Variants in TYW1 observed in about 807,000 individuals in gnomAD.
TYW1 encodes the protein tRNA-yW synthesizing protein 1 homolog, also known as S-adenosyl-L-methionine-dependent tRNA 4-demethylwyosine synthase TYW1.
TYW1 carries 46 observed loss-of-function variants against 96.2 expected under a neutral mutation model. The observed-to-expected ratio is 0.48, with a 90% CI of 0.38 to 0.61. The LOEUF (loss-of-function observed/expected upper bound fraction) is 0.61. TYW1 is among the 20% of genes least tolerant of loss of function. The probability of loss-of-function intolerance (pLI) is 0.00; values close to 1 mark genes in which losing one functional copy is unlikely to be tolerated. For synonymous variants in TYW1, 274 were observed against 323.0 expected, an observed-to-expected ratio of 0.85 and a Z score of 1.63; for missense variants, 684 against 909.6, an observed-to-expected ratio of 0.75 and a Z score of 3.19.
intron 12 of TYW1, among the ~76,000 whole-genome samples, chr7:67,113,069 G>T (rs113111427): frequency 1.3e-5 from 2 of 151,826 alleles, no homozygotes; most frequent in East Asian, 1.9e-4. Context: ...TTGGACATCC[G>T]TGGAAATGAT....
rs543792016 is a variant in TYW1 at position 67,221,320 on chromosome 7, G to A, written c.1978-16988G>A. Among the ~76,000 whole-genome samples the A allele has an allele frequency of 5.9e-5, 9 of 152,140 alleles. No individual in the cohort carries two copies. The South Asian group carries it at 1.9e-3, about 32-fold the overall frequency. On this transcript the variant is annotated intron_variant, in intron 15 of 15. Transcript: ENST00000359626. ...TAGTAGAGCCGCTCCTGCTGTCTTTGGGTTACTCTTTGCATGGAATACCTT... is the reference window on the plus strand; with the variant it reads ...TAGTAGAGCCGCTCCTGCTGTCTTTAGGTTACTCTTTGCATGGAATACCTT...
chr7:67,198,139 A>G (rs1800464600), intron 15 of TYW1, among the ~76,000 whole-genome samples: 1 of 152,110 alleles, frequency 6.6e-6, no homozygotes, highest in Admixed American at 6.6e-5. Context: ...CTGATACATG[A>G]CTTTAATCTA....
chr7:67,100,299 G>T (rs1320113095), intron 12 of TYW1, among the ~76,000 whole-genome samples: 1 of 152,032 alleles, frequency 6.6e-6, no homozygotes, highest in Non-Finnish European at 1.5e-5. Flanking sequence ...GTCATACTGG[G>T]ACTAGGCACA....
intron 14 of TYW1, among the ~76,000 whole-genome samples, chr7:67,194,580 C>T (rs3980786): frequency 2.1e-4 from 32 of 152,120 alleles, no homozygotes; most frequent in Admixed American, 8.5e-4. Context: ...GCCCCGATTG[C>T]GCCACTGCAC....
intron 3 of TYW1, among the ~76,000 whole-genome samples, chr7:67,006,438 C>CTTTTTTTTT (rs34088521): frequency 1.7e-5 from 2 of 114,760 alleles, no homozygotes; most frequent in Non-Finnish European, 1.7e-5. Flanking sequence ...TTCTTTTTTC[C>CTTTTTTTTT]TTTTTTTTTT....
chr7:67,136,549 T>A (rs116708691), intron 13 of TYW1, among the ~76,000 whole-genome samples: 5,111 of 152,180 alleles, frequency 0.034, 255 homozygotes, highest in African/African-American at 0.12. Flanking sequence ...ACATTTAAAC[T>A]GTTAGCTGAT....
intron 13 of TYW1, among the ~76,000 whole-genome samples, chr7:67,155,894 A>G (rs1458300208): frequency 5.3e-5 from 8 of 151,682 alleles, no homozygotes; most frequent in East Asian, 1.9e-4. Flanking sequence ...CTGTAGATGT[A>G]TTTATACTAT....
At chr7:67,025,524 A>G (rs1249848345) in intron 7 of TYW1, among the ~76,000 whole-genome samples, 1 of 152,162 alleles carries the variant, frequency 6.6e-6, no homozygotes, top group African/African-American at 2.4e-5. Context: ...AGGATTTATT[A>G]TGGTTGAGAT....
intron 9 of TYW1, among the ~76,000 whole-genome samples, chr7:67,062,566 C>CAAAAAAAAAAAAAAAAAAA (rs56770876): frequency 1.3e-4 from 12 of 89,168 alleles, no homozygotes; most frequent in African/African-American, 1.8e-4. Flanking sequence ...GACTCCGTCT[C>CAAAAAAAAAAAAAAAAAAA]AAAAAAAAAA....
intron 13 of TYW1, among the ~76,000 whole-genome samples, chr7:67,157,062 A>T (rs1584631758): frequency 6.6e-6 from 1 of 152,026 alleles, no homozygotes; most frequent in South Asian, 2.1e-4. Context: ...AGGTGTGGTT[A>T]TCTACTTGCT....
At chr7:67,136,188 T>A (rs536807547) in intron 13 of TYW1, among the ~76,000 whole-genome samples, 184 of 152,308 alleles carry the variant, frequency 1.2e-3, no homozygotes, top group African/African-American at 4.2e-3. Flanking sequence ...CAAACTGGTA[T>A]TTGAACCCCT....
intron 15 of TYW1, among the ~76,000 whole-genome samples, chr7:67,210,637 G>A (rs1481104999): frequency 6.6e-6 from 1 of 151,996 alleles, no homozygotes; most frequent in Non-Finnish European, 1.5e-5. Flanking sequence ...CACCATCTCT[G>A]TCTTTCCATC....
intron 7 of TYW1, among the ~76,000 whole-genome samples, chr7:67,028,500 A>C (rs891099199): frequency 1.3e-5 from 2 of 152,258 alleles, no homozygotes; most frequent in Admixed American, 1.3e-4. Flanking sequence ...AAATGGCTCT[A>C]CAAAGAGATT....
chr7:67,011,898 AC>A (rs1936750177), intron 4 of TYW1, among the ~76,000 whole-genome samples: 1 of 151,260 alleles, frequency 6.6e-6, no homozygotes, highest in South Asian at 2.1e-4. Context: ...AAGAAGCAGC[AC>A]ATAGAGCTGG....
rs542813229 is a variant in TYW1 at position 67,166,775 on chromosome 7, T to G, written c.1699-16351T>G. On this transcript the variant is annotated intron_variant, in intron 13 of 15. Transcript: ENST00000359626. ...TTATTCCTTCCACTATTGAGGGATA[T>G]TCACATTGCATCCTGGTTGGGGCTA... Among the ~76,000 whole-genome samples the G allele has an allele frequency of 1.6e-4, 25 of 152,270 alleles. 1 individual carries two copies. In the South Asian group the frequency reaches 5.2e-3, roughly 32 times the overall value.
intron 7 of TYW1, among the ~76,000 whole-genome samples, chr7:67,048,232 G>T (rs1162094218): frequency 6.7e-6 from 1 of 150,306 alleles, no homozygotes; most frequent in Non-Finnish European, 1.5e-5. Flanking sequence ...GTTTTAGTTT[G>T]AAGCAAATGT....
chr7:67,171,547 T>C (rs1006471698), intron 13 of TYW1, among the ~76,000 whole-genome samples: 5 of 152,306 alleles, frequency 3.3e-5, no homozygotes, highest in Middle Eastern at 3.4e-3. Flanking sequence ...TTTTGTCTTA[T>C]ATTATTGGTT....
chr7:67,194,572 C>T lies in TYW1; in HGVS notation c.1810-598C>T, dbSNP rs530284656. Among the ~76,000 whole-genome samples, 255 of 152,122 alleles carry T rather than the reference C, an allele frequency of 1.7e-3. 1 individual carries two copies. The highest frequency in any genetic ancestry group is 3.0e-3 in the Non-Finnish European group (206 of 68,002). ...CCAGGAAGTGGAGGTTGTGGTGAGC[C>T]CCGATTGCGCCACTGCACTCCAGCC... is the stretch of plus-strand genomic sequence containing the variant. On this transcript the variant is annotated intron_variant, in intron 14 of 15. Transcript: ENST00000359626.
intron 13 of TYW1, among the ~76,000 whole-genome samples, chr7:67,127,267 GC>G (rs1797938658): frequency 6.7e-6 from 1 of 149,136 alleles, no homozygotes; most frequent in African/African-American, 2.5e-5. Flanking sequence ...CAAGCAATTT[GC>G]CTACCTCAGC....
Sources: allele counts gnomAD v4.1 joint callset (sites outside exome capture counted in the v4.1 genomes callset), GRCh38; gene constraint gnomAD v4.1.1; transcripts MANE v1.5; gene names NCBI Gene and HGNC (gene_info 2026-07-23, HGNC 2026-07-21).